Variants in CA5B observed in about 807,000 individuals in gnomAD.
The protein encoded by CA5B is carbonic anhydrase 5B, mitochondrial.
Under a neutral mutation model 23.1 loss-of-function variants are expected in CA5B, and 15 were observed. The ratio of observed to expected loss-of-function variants is 0.65; its 90% CI spans 0.43 to 1.00. The LOEUF is 1.00. CA5B is among the 50% of genes least tolerant of loss of function. The pLI is 0.00. For synonymous variants in CA5B, 84 were observed against 98.5 expected (o/e 0.85, Z 0.87); for missense variants, 236 against 252.2 (o/e 0.94, Z 0.43).
At chrX:15,740,087 A>G (rs1160841261) in intron 1 of CA5B, among the ~76,000 whole-genome samples, 3 of 111,968 alleles carry the variant, frequency 2.7e-5, no homozygotes, top group Non-Finnish European at 5.6e-5. Flanking sequence ...AGGGCTTTCA[A>G]AATCTTTGTT....
rs766858791 is a variant in CA5B at position 15,750,115 on chromosome X, C to T, written c.92C>T (p.Ala31Val). The T allele has an allele frequency of 5.8e-6, 7 of 1,209,844 alleles. No individual in the cohort carries two copies. The highest frequency in any genetic ancestry group is 3.0e-5 in the East Asian group (1 of 33,794). ...RKFQIPRFMPARPCSLYTCTY... is the reference protein window; with the variant it reads ...RKFQIPRFMPVRPCSLYTCTY... ...TTCCAGATTCCGAGATTCATGCCAGCGAGGCCCTGCAGCCTCTATACTTGT... is the reference window on the plus strand; with the variant it reads ...TTCCAGATTCCGAGATTCATGCCAGTGAGGCCCTGCAGCCTCTATACTTGT... Residue 31 changes from alanine to valine, a missense_variant, in exon 2 of 8, where the codon GCG (alanine) becomes GTG (valine). Around this residue, in one of 3 missense-constraint regions of CA5B, gnomAD observed 54 missense variants for 46.6 expected, o/e 1.16. Coordinates refer to ENST00000318636, the MANE Select transcript of CA5B (RefSeq NM_007220.4).
At chrX:15,777,554 A>G (rs1029356908) in intron 7 of CA5B, among the ~76,000 whole-genome samples, 2 of 111,949 alleles carry the variant, frequency 1.8e-5, no homozygotes, top group South Asian at 7.3e-4. Context: ...AAGAATATAA[A>G]AGAAAAAAAA....
rs748786388 is a variant in CA5B at position 15,784,254 on chromosome X, A to G, written c.*1590A>G. On this transcript the variant is annotated 3_prime_UTR_variant, in exon 8 of 8. Transcript: ENST00000318636. ...ATAGTTTATATTATTATTTTGTATT[A>G]TTTGCACGCTGTTACATAGTATATA... 1.5e-4 allele frequency: 17 copies of G among 112,309 alleles called. No individual in the cohort carries two copies. Among genetic ancestry groups the G allele is most frequent in the African/African-American group, 5.2e-4 (16 of 31,020 alleles). The allele number at this position is 112,309 out of a possible 1,213,427, so 9.3% of individuals were successfully genotyped here. A position where few individuals can be genotyped will look rare whatever the true frequency, so the allele number is the denominator to read the frequency against.
At position 15,775,260 on chromosome X, in the gene CA5B, T is replaced by TA; in HGVS notation, c.572dup (p.Glu192GlyfsTer13). ...TTGTTCTTTAGCTAGGCAAACATCA[T>TA]AAGGAGCTACAGAAATTAGTGGATA... On this transcript the variant is annotated frameshift_variant, in exon 6 of 8. Coordinates refer to ENST00000318636, the MANE Select transcript of CA5B (RefSeq NM_007220.4). LOFTEE classifies it high-confidence loss of function. The TA allele has an allele frequency of 8.3e-7, 1 of 1,197,848 alleles. No individual in the cohort carries two copies. The highest frequency in any genetic ancestry group is 1.1e-6 in the Non-Finnish European group (1 of 886,026).
At chrX:15,753,506 C>G (rs1163313334) in intron 2 of CA5B, among the ~76,000 whole-genome samples, 2 of 112,077 alleles carry the variant, frequency 1.8e-5, no homozygotes, top group Non-Finnish European at 3.8e-5. Flanking sequence ...TCAGATCTCT[C>G]CTGGATCAGG....
chrX:15,750,106 T>A lies in CA5B; in HGVS notation c.83T>A (p.Phe28Tyr), dbSNP rs1468587847. Residue 28 changes from phenylalanine (F) to tyrosine (Y), a missense_variant, in exon 2 of 8, where the codon TTC becomes TAC. This residue lies in a region of CA5B where 54 missense variants were observed against 46.6 expected (regional missense o/e 1.16). Coordinates refer to ENST00000318636, the MANE Select transcript of CA5B (RefSeq NM_007220.4). The stretch of plus-strand genomic sequence containing the variant: ...TGGAGAAAGTTCCAGATTCCGAGAT[T>A]CATGCCAGCGAGGCCCTGCAGCCTC... ...LLWRKFQIPR[F>Y]MPARPCSLYT... The A allele has an allele frequency of 1.7e-6, 2 of 1,210,162 alleles. No homozygotes were observed. The highest frequency in any genetic ancestry group is 2.2e-6 in the Non-Finnish European group (2 of 895,242).
At chrX:15,778,096 G>A (rs1931963830) in intron 7 of CA5B, among the ~76,000 whole-genome samples, 1 of 111,725 alleles carries the variant, frequency 9.0e-6, no homozygotes, top group Admixed American at 9.5e-5. Flanking sequence ...AAGATATAAT[G>A]TAAGAAAGGC....
At chrX:15,748,221 A>T (rs1263961665) in intron 1 of CA5B, among the ~76,000 whole-genome samples, 2 of 112,132 alleles carry the variant, frequency 1.8e-5, no homozygotes, top group Admixed American at 1.9e-4. Context: ...GCCTAGTCCT[A>T]TGTAGTATTT....
intron 1 of CA5B, among the ~76,000 whole-genome samples, chrX:15,747,056 A>G (rs1040835551): frequency 2.7e-5 from 3 of 111,597 alleles, no homozygotes; most frequent in Non-Finnish European, 5.6e-5. Context: ...CTTTTTGGGA[A>G]AGGGCTGCTA....
chrX:15,758,630 T>C (rs1021290623), intron 2 of CA5B, among the ~76,000 whole-genome samples: 3 of 111,372 alleles, frequency 2.7e-5, no homozygotes, highest in Non-Finnish European at 3.8e-5. Context: ...CCTCAGCCTC[T>C]CAAGTAGCTG....
At chrX:15,759,147 T>A (rs745595906) in intron 2 of CA5B, among the ~76,000 whole-genome samples, 2 of 111,408 alleles carry the variant, frequency 1.8e-5, no homozygotes, top group Admixed American at 9.5e-5. Context: ...AGTTGATTTC[T>A]GTGGAGGAGG....
chrX:15,750,035 G>A lies in CA5B; in HGVS notation c.12G>A (p.Met4Ile). MVV[M>I]NSLRVILQAS... ...ATTTCAAGCTAAAGATGGTGGTGATGAACAGCCTGAGGGTCATTCTTCAAG... is the reference window on the plus strand; with the variant it reads ...ATTTCAAGCTAAAGATGGTGGTGATAAACAGCCTGAGGGTCATTCTTCAAG... Residue 4 changes from methionine (M) to isoleucine (I), a missense_variant, in exon 2 of 8, where the codon ATG becomes ATA. Physicochemically the swap from Met to Ile is conservative, Grantham distance 10. Around this residue, in one of 3 missense-constraint regions of CA5B, gnomAD observed 54 missense variants for 46.6 expected, o/e 1.16. Transcript: ENST00000318636. 1 of 1,208,133 alleles carries A rather than the reference G, an allele frequency of 8.3e-7. No individual in the cohort carries two copies. Among genetic ancestry groups the A allele is most frequent in the East Asian group, 3.0e-5 (1 of 33,833 alleles).
chrX:15,765,266 C>G (rs752605152), intron 3 of CA5B: 32 of 368,588 alleles, frequency 8.7e-5, no homozygotes, highest in East Asian at 2.1e-4. Flanking sequence ...GAAATGGAAA[C>G]TTATGATCTG....
Position 15,772,572 on chromosome X carries a change from G to C in CA5B, c.417G>C (p.Trp139Cys). ...TTCACTGGGGGGCCATCGATGCCTG[G>C]GGTTCTGAGCACACCGTGGACAGCA... ...FHFHWGAIDA[W>C]GSEHTVDSKC... The change falls in exon 4 of 8, where the codon TGG (tryptophan) becomes TGC (cysteine). Residue 139 changes from tryptophan to cysteine, a missense_variant. By Grantham distance (215) the Trp-to-Cys change is radical. Transcript: ENST00000318636. 1 of 1,206,968 alleles carries C rather than the reference G, an allele frequency of 8.3e-7. No homozygotes were observed. Among genetic ancestry groups the C allele is most frequent in the Admixed American group, 2.2e-5 (1 of 45,893 alleles).
At position 15,772,529 on chromosome X, in the gene CA5B, G is replaced by A. The variant is rs369758160; in HGVS notation, c.374G>A (p.Arg125Gln). 5 of 1,205,956 alleles carry A rather than the reference G, an allele frequency of 4.1e-6. No homozygotes were observed. Among genetic ancestry groups the A allele is most frequent in the East Asian group, 3.0e-5 (1 of 33,725 alleles). Residue 125 changes from arginine to glutamine, a missense_variant, in exon 4 of 8, where the codon CGA (arginine) becomes CAA (glutamine). Coordinates refer to ENST00000318636, the MANE Select transcript of CA5B (RefSeq NM_007220.4). The part of the protein sequence containing the change: ...IKGGPLEHNY[R>Q]LKQFHFHWGA... The stretch of plus-strand genomic sequence containing the variant: ...GGAGGACCCCTGGAACACAACTACC[G>A]ATTGAAGCAGTTCCATTTTCACTGG...
rs1471731788 is a variant in CA5B at position 15,767,404 on chromosome X, AT to A, written c.340+2644del. 9.1e-3 allele frequency among the ~76,000 whole-genome samples: 917 copies of A among 101,268 alleles called. 6 individuals are homozygous for A. Among genetic ancestry groups the A allele is most frequent in the Non-Finnish European group, 0.014 (684 of 49,431 alleles). The allele number at this position is 101,268 out of a possible 115,157, so 87.9% of individuals were successfully genotyped here. Reference sequence around the variant, plus strand: ...TTTCTTTTGAACAATAGATTCTAGAATTTTTTTTTTTTTTTGAGACAGAGTC... The same window carrying A: ...TTTCTTTTGAACAATAGATTCTAGAATTTTTTTTTTTTTTGAGACAGAGTC... On this transcript the variant is annotated intron_variant, in intron 3 of 7. Coordinates refer to ENST00000318636, the MANE Select transcript of CA5B (RefSeq NM_007220.4).
At chrX:15,771,204 C>CAG (rs1931813030) in intron 3 of CA5B, among the ~76,000 whole-genome samples, 1 of 30,189 alleles carries the variant, frequency 3.3e-5, no homozygotes, top group African/African-American at 1.3e-4. Flanking sequence ...CTCATCTCTA[C>CAG]AAAAAAAAAA....
At chrX:15,753,982 G>A (rs1478624544) in intron 2 of CA5B, among the ~76,000 whole-genome samples, 4 of 112,592 alleles carry the variant, frequency 3.6e-5, no homozygotes, top group African/African-American at 1.3e-4. Flanking sequence ...GTCATGTGAT[G>A]CTCTACCAGG....
At chrX:15,743,723 A>G (rs1931167760) in intron 1 of CA5B, among the ~76,000 whole-genome samples, 1 of 110,955 alleles carries the variant, frequency 9.0e-6, no homozygotes, top group Non-Finnish European at 1.9e-5. Context: ...ATATTCCCCA[A>G]ATTAATCTCA....
Sources: allele counts gnomAD v4.1 joint callset (sites outside exome capture counted in the v4.1 genomes callset), GRCh38; gene constraint gnomAD v4.1.1; regional missense constraint gnomAD v4.1.1; transcripts MANE v1.5; gene names NCBI Gene and HGNC (gene_info 2026-07-23, HGNC 2026-07-21).